Variants in ADAMTS19 observed in about 807,000 individuals in gnomAD.
ADAMTS19 encodes the protein A disintegrin and metalloproteinase with thrombospondin motifs 19.
A neutral mutation model predicts 153.3 loss-of-function variants in ADAMTS19; 93 were observed. The ratio of observed to expected loss-of-function variants is 0.61; its 90% CI spans 0.51 to 0.72. ADAMTS19 has a LOEUF of 0.72. ADAMTS19 is among the 30% of genes least tolerant of loss of function. ADAMTS19 has a pLI of 0.00. For synonymous variants in ADAMTS19, 600 were observed against 556.6 expected, an observed-to-expected ratio of 1.08 and a Z score of -1.10; for missense variants, 1,482 against 1,552.1, an observed-to-expected ratio of 0.95 and a Z score of 0.76.
Position 129,565,514 on chromosome 5 carries a change from A to G in ADAMTS19, c.1372+13607A>G, listed in dbSNP as rs967681074. 3.3e-5 allele frequency among the ~76,000 whole-genome samples: 5 copies of G among 152,026 alleles called. No individual in the cohort carries two copies. The East Asian group carries it at 9.7e-4, about 29-fold the overall frequency. On this transcript the variant is annotated intron_variant, in intron 7 of 22. Coordinates refer to ENST00000274487, the MANE Select transcript of ADAMTS19 (RefSeq NM_133638.6). ...ACTTCTCTTTCTTATCATTTATTCA[A>G]TTTCCTCCAATATTTTGAAACCCCT...
In ADAMTS19 at chr5:129,595,230, T is replaced by C. The variant is rs553678162; in HGVS notation, c.1373-1329T>C. Among the ~76,000 whole-genome samples, 182 of 152,180 alleles carry C rather than the reference T, an allele frequency of 1.2e-3. 1 individual carries two copies. Among genetic ancestry groups the C allele is most frequent in the African/African-American group, 4.2e-3 (176 of 41,552 alleles). ...GAACTTCAGATATACTTTCAGCTAA[T>C]CTCCATTTTCAACCCTCCTGCATTG... is the stretch of plus-strand genomic sequence containing the variant. On this transcript the variant is annotated intron_variant, in intron 7 of 22. Coordinates refer to ENST00000274487, the MANE Select transcript of ADAMTS19 (RefSeq NM_133638.6).
intron 21 of ADAMTS19, 123 bp downstream of exon 21, chr5:129,704,514 A>G (rs1756057277): frequency 9.0e-7 from 1 of 1,112,824 alleles, no homozygotes; most frequent in East Asian, 2.6e-5. Flanking sequence ...ATCATGGGAT[A>G]TGGGGCAGAT....
intron 3 of ADAMTS19, among the ~76,000 whole-genome samples, chr5:129,522,990 G>A (rs373627502): frequency 1.3e-5 from 2 of 151,762 alleles, no homozygotes; most frequent in Non-Finnish European, 1.5e-5. Flanking sequence ...CAGAGGCAGA[G>A]GTTGAAGTGA....
intron 21 of ADAMTS19, among the ~76,000 whole-genome samples, chr5:129,733,797 A>G (rs1757548338): frequency 6.6e-6 from 1 of 152,024 alleles, no homozygotes; most frequent in Non-Finnish European, 1.5e-5. Context: ...CAGCAGTCCC[A>G]CTATTGGGTA....
Position 129,461,476 on chromosome 5 carries a change from C to G in ADAMTS19, c.466C>G (p.Pro156Ala). The G allele has an allele frequency of 6.8e-7, 1 of 1,476,194 alleles. No homozygotes were observed. The highest frequency in any genetic ancestry group is 1.3e-5 in the South Asian group (1 of 76,480). The allele number at this position is 1,476,194 out of a possible 1,614,324, so 91.4% of individuals were successfully genotyped here. A position where few individuals can be genotyped will look rare whatever the true frequency, so the allele number is the denominator to read the frequency against. The change falls in exon 2 of 23, where the codon CCG (proline) becomes GCG (alanine). Residue 156 changes from proline (P) to alanine (A), a missense_variant. Pro to Ala is a conservative substitution (Grantham distance 27). Coordinates refer to ENST00000274487, the MANE Select transcript of ADAMTS19 (RefSeq NM_133638.6). The surrounding 1 kb of genome is among the most constrained non-coding windows in gnomAD (Gnocchi z 4.6). ...GCCGCCGCCTCCCCCGCAGCCGCCC[C>G]CGTCCCCGCCCCCGGCCCAGCATGC... ...WQPPPPPQPP[P>A]SPPPAQHAEP... is the part of the protein sequence containing the mutation.
intron 6 of ADAMTS19, among the ~76,000 whole-genome samples, chr5:129,548,911 C>G (rs1044185795): frequency 6.6e-6 from 1 of 150,412 alleles, no homozygotes; most frequent in African/African-American, 2.4e-5. Context: ...TCATTCTCAG[C>G]AAACTATCGC....
chr5:129,474,990 T>G (rs537610079), intron 2 of ADAMTS19, among the ~76,000 whole-genome samples: 19 of 152,302 alleles, frequency 1.2e-4, no homozygotes, highest in African/African-American at 4.6e-4. Context: ...ATATAAATAT[T>G]TTATCAGACA....
chr5:129,717,955 A>T (rs1756806000), intron 21 of ADAMTS19, among the ~76,000 whole-genome samples: 3 of 152,182 alleles, frequency 2.0e-5, no homozygotes, highest in African/African-American at 7.2e-5. Context: ...AAATTTAATG[A>T]TTGTCATTCC....
chr5:129,580,922 T>C, intron 7 of ADAMTS19, among the ~76,000 whole-genome samples: 1 of 152,208 alleles, frequency 6.6e-6, no homozygotes, highest in East Asian at 1.9e-4. Context: ...TGCCAGATTT[T>C]GGTATCAGGA....
chr5:129,689,843 A>C (rs1755252886), intron 18 of ADAMTS19, among the ~76,000 whole-genome samples: 1 of 152,228 alleles, frequency 6.6e-6, no homozygotes, highest in Admixed American at 6.5e-5. Flanking sequence ...ATATTTAATA[A>C]AATTTGATAT....
At chr5:129,634,760 A>C (rs1361815599) in intron 10 of ADAMTS19, among the ~76,000 whole-genome samples, 2 of 152,160 alleles carry the variant, frequency 1.3e-5, no homozygotes, top group Non-Finnish European at 2.9e-5. Context: ...GATGGATTAG[A>C]TACTTACATG....
At chr5:129,695,600 G>T (rs573498598) in intron 19 of ADAMTS19, among the ~76,000 whole-genome samples, 1 of 152,160 alleles carries the variant, frequency 6.6e-6, no homozygotes, top group Non-Finnish European at 1.5e-5. Flanking sequence ...GAGGCTACTT[G>T]GCATGGCTGC....
intron 18 of ADAMTS19, among the ~76,000 whole-genome samples, chr5:129,692,559 A>T (rs141916745): frequency 4.7e-4 from 71 of 152,232 alleles, no homozygotes; most frequent in African/African-American, 1.7e-3. Context: ...TTGTTGCATG[A>T]GCTGCAAAGG....
intron 3 of ADAMTS19, among the ~76,000 whole-genome samples, chr5:129,515,892 T>A (rs568788589): frequency 6.6e-6 from 1 of 152,148 alleles, no homozygotes; most frequent in East Asian, 1.9e-4. Context: ...CTTTCTGTTT[T>A]TCCCCTTTAG....
chr5:129,478,480 A>G (rs1473817928), intron 2 of ADAMTS19, among the ~76,000 whole-genome samples: 1 of 152,186 alleles, frequency 6.6e-6, no homozygotes, highest in East Asian at 1.9e-4. Context: ...AAGGAATGGG[A>G]AAAGTACCAC....
At chr5:129,587,685 T>C (rs1232697699) in intron 7 of ADAMTS19, among the ~76,000 whole-genome samples, 2 of 152,190 alleles carry the variant, frequency 1.3e-5, no homozygotes. Flanking sequence ...GGCAATTTTC[T>C]TGAAGGAGAA....
chr5:129,534,292 A>G (rs928068267), intron 6 of ADAMTS19, among the ~76,000 whole-genome samples: 7 of 152,116 alleles, frequency 4.6e-5, no homozygotes, highest in Non-Finnish European at 8.8e-5. Flanking sequence ...TATTGGGTAA[A>G]CACCTCTACG....
chr5:129,542,300 G>C (rs1425620724), intron 6 of ADAMTS19, among the ~76,000 whole-genome samples: 2 of 152,060 alleles, frequency 1.3e-5, no homozygotes, highest in Non-Finnish European at 2.9e-5. Context: ...AATGTGGGGG[G>C]ATAATCCTAT....
chr5:129,536,772 G>T (rs184237879), intron 6 of ADAMTS19, among the ~76,000 whole-genome samples: 1 of 152,098 alleles, frequency 6.6e-6, no homozygotes, highest in Non-Finnish European at 1.5e-5. Context: ...GGACATGGAT[G>T]AAATTGGAAA....
Sources: allele counts gnomAD v4.1 joint callset (sites outside exome capture counted in the v4.1 genomes callset), GRCh38; gene constraint gnomAD v4.1.1; non-coding constraint Gnocchi (gnomAD v3.1); transcripts MANE v1.5; gene names NCBI Gene and HGNC (gene_info 2026-07-23, HGNC 2026-07-21).